The following GAREM2 variants were observed in gnomAD, a reference collection of about 807,000 sequenced individuals.
GAREM2 encodes GRB2-associated and regulator of MAPK protein 2.
Under a neutral mutation model 55.6 loss-of-function variants are expected in GAREM2, and 30 were observed. That is an observed-to-expected ratio of 0.54 (90% CI 0.40 to 0.73). The LOEUF (loss-of-function observed/expected upper bound fraction) is 0.73. Ranked by LOEUF, GAREM2 falls within the 30% of genes least tolerant of loss-of-function variation. GAREM2 has a pLI of 0.00. For missense variants in GAREM2, 1,075 were observed against 1,257.7 expected (o/e 0.85, Z 2.20); for synonymous variants, 550 against 569.1 (o/e 0.97, Z 0.48).
intron 2 of GAREM2, chr2:26,182,420 C>T: frequency 6.5e-7 from 1 of 1,550,114 alleles, no homozygotes; most frequent in Non-Finnish European, 8.7e-7. Context: ...AGGGCTGGGC[C>T]AGGCCCTGGT....
In GAREM2 at chr2:26,187,211, GTGTC is replaced by G; in HGVS notation, c.1599-14_1599-11del. 1 of 1,441,078 alleles carries G rather than the reference GTGTC, an allele frequency of 6.9e-7. No homozygotes were observed. The highest frequency in any genetic ancestry group is 9.2e-7 in the Non-Finnish European group (1 of 1,091,746). The allele number at this position is 1,441,078 out of a possible 1,614,324, so 89.3% of individuals were successfully genotyped here. On this transcript the variant is annotated splice_polypyrimidine_tract_variant and intron_variant, in intron 5 of 5. Coordinates refer to ENST00000401533, the MANE Select transcript of GAREM2 (RefSeq NM_001168241.2). ...TCAGCCTCACCTGTCCTATGTGTGT[GTGTC>G]TGTCTCTGTCCACAGGGCGGGTTCC...
the GAREM2 span, among the ~76,000 whole-genome samples, chr2:26,195,702 C>T: frequency 1.3e-5 from 2 of 152,164 alleles, no homozygotes; most frequent in Non-Finnish European, 2.9e-5. Flanking sequence ...TTAACTAACA[C>T]TCCTCAACAG....
chr2:26,177,889 A>C (rs1190186790), intron 2 of GAREM2, among the ~76,000 whole-genome samples: 2 of 152,194 alleles, frequency 1.3e-5, no homozygotes, highest in South Asian at 4.1e-4. Flanking sequence ...GGCCTCCCAA[A>C]GTGCTGGAAT....
chr2:26,182,569 C>G, intron 2 of GAREM2: 1 of 1,409,146 alleles, frequency 7.1e-7, no homozygotes, highest in Non-Finnish European at 9.8e-7. Flanking sequence ...GAACTTGTCA[C>G]GGCAAGTCAG....
At chr2:26,186,972 T>C (rs540006639) in intron 5 of GAREM2, among the ~76,000 whole-genome samples, 45 of 152,288 alleles carry the variant, frequency 3.0e-4, no homozygotes, top group African/African-American at 1.1e-3. Flanking sequence ...GAGAACACCA[T>C]CTCAAAAGAA....
chr2:26,184,399 T>C lies in GAREM2; in HGVS notation c.551T>C (p.Leu184Pro). Residue 184 changes from leucine to proline, a missense_variant, in exon 4 of 6, where the codon CTG becomes CCG. Around this residue, in one of 6 missense-constraint regions of GAREM2, gnomAD observed 230 missense variants for 310.6 expected, o/e 0.74. Transcript: ENST00000401533. The part of the protein sequence containing the change: ...LLRKLGRAGA[L>P]AGVGGGGPAS... The stretch of plus-strand genomic sequence containing the variant: ...CGAAAGCTGGGCCGGGCCGGGGCGC[T>C]GGCCGGGGTGGGCGGCGGCGGCCCA... The C allele has an allele frequency of 2.0e-6, 3 of 1,509,956 alleles. No individual in the cohort carries two copies. The highest frequency in any genetic ancestry group is 2.7e-6 in the Non-Finnish European group (3 of 1,127,014). 93.5% of individuals were successfully genotyped at this position (1,509,956 alleles called of 1,614,324 possible).
chr2:26,184,479 G>A lies in GAREM2; in HGVS notation c.631G>A (p.Gly211Ser). Residue 211 changes from glycine (G) to serine (S), a missense_variant, in exon 4 of 6, where the codon GGC becomes AGC. Around this residue, in one of 6 missense-constraint regions of GAREM2, gnomAD observed 230 missense variants for 310.6 expected, o/e 0.74. Coordinates refer to ENST00000401533, the MANE Select transcript of GAREM2 (RefSeq NM_001168241.2). ...CGGCGGGGGCGCCAGGCCGGTCAAA[G>A]GCAAGATGCCCTGCCTCATCTGCAT... is the stretch of plus-strand genomic sequence containing the variant. ...TGGGGARPVK[G>S]KMPCLICMNH... 6.6e-7 allele frequency: 1 copy of A among 1,519,516 alleles called. No individual in the cohort carries two copies. Among genetic ancestry groups the A allele is most frequent in the South Asian group, 1.2e-5 (1 of 81,180 alleles). 94.1% of individuals were successfully genotyped at this position (1,519,516 alleles called of 1,614,324 possible). A position where few individuals can be genotyped will look rare whatever the true frequency, so the allele number is the denominator to read the frequency against.
At chr2:26,191,654 TAGA>T (rs149347225), downstream of GAREM2, 10,126 of 1,612,914 alleles carry the variant, frequency 6.3e-3, 44 homozygotes, top group Non-Finnish European at 7.6e-3. Context: ...GATGTTTAGG[TAGA>T]AGAAGAGGAA....
At chr2:26,176,308 C>T (rs1668862570) in intron 1 of GAREM2, 36 bp from the exon 2 acceptor site, 2 of 1,488,144 alleles carry the variant, frequency 1.3e-6, no homozygotes, top group East Asian at 2.6e-5. Flanking sequence ...TCCTGTCTTC[C>T]TTCCCCTCAT....
At position 26,187,753 on chromosome 2, in the gene GAREM2, G is replaced by A; in HGVS notation, c.2121G>A (p.Gly707=). The A allele has an allele frequency of 2.8e-6, 4 of 1,451,014 alleles. No individual in the cohort carries two copies. Among genetic ancestry groups the A allele is most frequent in the Non-Finnish European group, 3.6e-6 (4 of 1,096,602 alleles). The allele number at this position is 1,451,014 out of a possible 1,614,324, so 89.9% of individuals were successfully genotyped here. A position where few individuals can be genotyped will look rare whatever the true frequency, so the allele number is the denominator to read the frequency against. The stretch of plus-strand genomic sequence containing the variant: ...AGCCCTTCGATCCCTTTGAGCTGGG[G>A]CAGGGCAGTTCTCCAGAGCCTGAGC... ...VLEPFDPFEL[G]QGSSPEPELL... The change falls in exon 6 of 6, where the codon GGG becomes GGA. Residue 707 remains glycine (G), a synonymous_variant. Transcript: ENST00000401533.
chr2:26,192,181 G>A, downstream of GAREM2: 1 of 655,148 alleles, frequency 1.5e-6, no homozygotes. Flanking sequence ...GTATACCTAT[G>A]TAACAAACCT....
At chr2:26,182,629 T>C (rs1669088995) in intron 2 of GAREM2, 3 of 882,870 alleles carry the variant, frequency 3.4e-6, no homozygotes, top group South Asian at 3.2e-5. Flanking sequence ...ACCACACTGA[T>C]AGTTGATCAG....
At position 26,183,115 on chromosome 2, in the gene GAREM2, C is replaced by G; in HGVS notation, c.384+18C>G. The stretch of plus-strand genomic sequence containing the variant: ...GCGTCAAGGTCAGTCACTCCCTCAC[C>G]AGGTGTGGTGTCCCCACACTACTCC... On this transcript the variant is annotated intron_variant, in intron 3 of 5. Transcript: ENST00000401533. The G allele has an allele frequency of 6.4e-7, 1 of 1,551,106 alleles. No homozygotes were observed. Among genetic ancestry groups the G allele is most frequent in the Non-Finnish European group, 8.7e-7 (1 of 1,146,578 alleles).
Position 26,185,018 on chromosome 2 carries a change from C to G in GAREM2, c.1170C>G (p.Leu390=), listed in dbSNP as rs1349241001. The stretch of plus-strand genomic sequence containing the variant: ...TGCCCGCGCCGCGCGCCCCCGGGCT[C>G]GCCCGCGCCCCCGGCCCGCTAGCGC... ...LCLPAPRAPG[L]ARAPGPLAPA... is the part of the protein sequence containing the mutation. The change falls in exon 4 of 6, where the codon CTC becomes CTG. Residue 390 remains leucine, a synonymous_variant. Coordinates refer to ENST00000401533, the MANE Select transcript of GAREM2 (RefSeq NM_001168241.2). The G allele has an allele frequency of 1.8e-6, 2 of 1,107,874 alleles. No individual in the cohort carries two copies. Among genetic ancestry groups the G allele is most frequent in the Non-Finnish European group, 2.2e-6 (2 of 909,626 alleles). The allele number at this position is 1,107,874 out of a possible 1,614,324, so 68.6% of individuals were successfully genotyped here.
chr2:26,192,636 A>G (rs1669542228), downstream of GAREM2, among the ~76,000 whole-genome samples: 1 of 151,984 alleles, frequency 6.6e-6, no homozygotes. Flanking sequence ...AAATACAAAA[A>G]TTAGCTGGGC....
the GAREM2 span, among the ~76,000 whole-genome samples, chr2:26,201,638 A>G: frequency 6.6e-6 from 1 of 152,246 alleles, no homozygotes; most frequent in Admixed American, 6.5e-5. Context: ...AGAGGAGTAA[A>G]TAACATGAAT....
chr2:26,183,314 C>T (rs1277749565), intron 3 of GAREM2, among the ~76,000 whole-genome samples: 5 of 152,178 alleles, frequency 3.3e-5, no homozygotes, highest in Non-Finnish European at 4.4e-5. Context: ...GAAGCAGGAG[C>T]GGGTGTCTGG....
chr2:26,184,186 T>C, intron 3 of GAREM2, 47 bp from the exon 4 acceptor site: 1 of 1,539,358 alleles, frequency 6.5e-7, no homozygotes, highest in Non-Finnish European at 8.8e-7. Context: ...CCGTGTGGCT[T>C]TCCCTGGGAC....
At chr2:26,193,529 G>T (rs13432831), downstream of GAREM2, 2 of 1,476,450 alleles carry the variant, frequency 1.4e-6, no homozygotes, top group South Asian at 1.1e-5. Context: ...GAACTGCTTA[G>T]AACTTTGTAA....
Sources: allele counts gnomAD v4.1 joint callset (sites outside exome capture counted in the v4.1 genomes callset), GRCh38; gene constraint gnomAD v4.1.1; regional missense constraint gnomAD v4.1.1; transcripts MANE v1.5; gene names NCBI Gene and HGNC (gene_info 2026-07-23, HGNC 2026-07-21).